Variants in AGR3 observed in about 807,000 individuals in gnomAD.
The protein encoded by AGR3 is anterior gradient protein 3.
AGR3 carries 37 observed loss-of-function variants against 24.5 expected under a neutral mutation model. That is an observed-to-expected ratio of 1.51 (90% CI 1.16 to 1.99). The LOEUF is 1.99. Ranked by LOEUF, AGR3 falls within the 30% of genes most tolerant of loss-of-function variation. The pLI, the probability that AGR3 is intolerant of heterozygous loss-of-function variation, is 0.00. For synonymous variants in AGR3, 75 were observed against 61.6 expected, an observed-to-expected ratio of 1.22 and a Z score of -1.02; for missense variants, 228 against 191.1, an observed-to-expected ratio of 1.19 and a Z score of -1.14.
At chr7:16,881,888 T>TA (rs1782125011) in intron 1 of AGR3, 56 bp downstream of exon 1, 1 of 470,490 alleles carries the variant, frequency 2.1e-6, no homozygotes, top group African/African-American at 2.0e-5. Flanking sequence ...GGTGATTATT[T>TA]AAATATAGCA....
At chr7:16,878,116 A>ATT (rs34203592) in intron 2 of AGR3, among the ~76,000 whole-genome samples, 73 of 146,382 alleles carry the variant, frequency 5.0e-4, no homozygotes, top group African/African-American at 8.2e-4. Context: ...AATTATTCCA[A>ATT]TTTTTTTTTT....
At chr7:16,877,614 A>G (rs1372291886) in intron 2 of AGR3, among the ~76,000 whole-genome samples, 2 of 151,988 alleles carry the variant, frequency 1.3e-5, no homozygotes, top group Non-Finnish European at 2.9e-5. Flanking sequence ...CTGTAATCCC[A>G]GCACTTTGGG....
intron 2 of AGR3, 39 bp downstream of exon 2, chr7:16,878,471 A>G (rs189843796): frequency 4.3e-4 from 678 of 1,564,928 alleles, no homozygotes; most frequent in Non-Finnish European, 5.3e-4. Flanking sequence ...AAAGCAATCC[A>G]AATGACTGAG....
intron 2 of AGR3, among the ~76,000 whole-genome samples, chr7:16,875,639 T>C (rs1781973254): frequency 6.6e-6 from 1 of 152,204 alleles, no homozygotes; most frequent in East Asian, 1.9e-4. Context: ...GTGGAACTGC[T>C]GATCAAATGG....
chr7:16,868,278 C>A (rs1021129499), intron 3 of AGR3, among the ~76,000 whole-genome samples: 1 of 152,020 alleles, frequency 6.6e-6, no homozygotes, highest in Non-Finnish European at 1.5e-5. Flanking sequence ...GCCTCAGACT[C>A]CCGAGTAGCT....
chr7:16,865,995 C>T, intron 3 of AGR3: 1 of 662,012 alleles, frequency 1.5e-6, no homozygotes, highest in South Asian at 1.5e-5. Context: ...TTTTCATGCA[C>T]AGCCAAGTTC....
At chr7:16,878,847 G>T (rs11496005) in intron 1 of AGR3, among the ~76,000 whole-genome samples, 1 of 152,060 alleles carries the variant, frequency 6.6e-6, no homozygotes, top group South Asian at 2.1e-4. Flanking sequence ...CTCAGTTGGT[G>T]AGAAGTCATG....
At chr7:16,873,748 A>G in intron 3 of AGR3, 32 bp downstream of exon 3, 1 of 1,524,734 alleles carries the variant, frequency 6.6e-7, no homozygotes, top group Non-Finnish European at 9.1e-7. Flanking sequence ...ACTACAAATA[A>G]AAGGAAAAAA....
chr7:16,872,042 A>C, intron 3 of AGR3, among the ~76,000 whole-genome samples: 2 of 152,322 alleles, frequency 1.3e-5, no homozygotes, highest in East Asian at 3.9e-4. Flanking sequence ...GGCAATCTAC[A>C]GATTCAATGC....
At chr7:16,857,140 C>T (rs190624782), downstream of AGR3, among the ~76,000 whole-genome samples, 222 of 151,692 alleles carry the variant, frequency 1.5e-3, 1 homozygote, top group South Asian at 1.5e-3. Context: ...CTGCACCCAG[C>T]GAGGATTATA....
At chr7:16,856,666 C>T (rs1015261985), downstream of AGR3, among the ~76,000 whole-genome samples, 1 of 152,156 alleles carries the variant, frequency 6.6e-6, no homozygotes, top group Non-Finnish European at 1.5e-5. Flanking sequence ...CATTAAAATG[C>T]TTTGCACATA....
downstream of AGR3, among the ~76,000 whole-genome samples, chr7:16,857,760 C>G (rs146716554): frequency 3.7e-3 from 570 of 152,166 alleles, 6 homozygotes; most frequent in African/African-American, 0.013. Flanking sequence ...CCAAATAGAT[C>G]AATTTACTAC....
chr7:16,866,956 C>T (rs1188486740), intron 3 of AGR3, among the ~76,000 whole-genome samples: 1 of 151,846 alleles, frequency 6.6e-6, no homozygotes, highest in African/African-American at 2.4e-5. Flanking sequence ...TTTCTTTTAT[C>T]TTCTCCTTTT....
intron 1 of AGR3, among the ~76,000 whole-genome samples, chr7:16,879,715 A>G (rs1212382308): frequency 6.6e-6 from 1 of 152,250 alleles, no homozygotes; most frequent in African/African-American, 2.4e-5. Context: ...ATTCTGTTCA[A>G]ACAAAGATGT....
chr7:16,874,991 C>T (rs1481763420), intron 2 of AGR3, among the ~76,000 whole-genome samples: 5 of 151,876 alleles, frequency 3.3e-5, no homozygotes, highest in Non-Finnish European at 7.4e-5. Flanking sequence ...TGGCATGTGC[C>T]TGTAGTCCCA....
intron 1 of AGR3, among the ~76,000 whole-genome samples, chr7:16,881,548 G>C (rs948847862): frequency 2.0e-5 from 3 of 152,156 alleles, no homozygotes; most frequent in African/African-American, 7.2e-5. Context: ...TCAGCAATTA[G>C]ATTGTATAAA....
chr7:16,859,490 A>C lies in AGR3; in HGVS notation c.*92T>G. ...ACTAAATAGTAATATTACAAAATCT[A>C]TATACTTGCACATTTAGTATTTGTC... is the stretch of plus-strand genomic sequence containing the variant. On this transcript the variant is annotated 3_prime_UTR_variant, in exon 8 of 8. Transcript: ENST00000310398. The C allele has an allele frequency of 1.2e-6, 1 of 802,340 alleles. No individual in the cohort carries two copies. Among genetic ancestry groups the C allele is most frequent in the South Asian group, 1.6e-5 (1 of 60,826 alleles). The allele number at this position is 802,340 out of a possible 1,614,324, so 49.7% of individuals were successfully genotyped here.
chr7:16,865,703 C>A, intron 3 of AGR3: 1 of 781,066 alleles, frequency 1.3e-6, no homozygotes, highest in Non-Finnish European at 2.4e-6. Flanking sequence ...CTTTGTTGCT[C>A]TTAGTAGAAA....
intron 3 of AGR3, chr7:16,864,449 C>A: frequency 7.7e-7 from 1 of 1,304,502 alleles, no homozygotes; most frequent in Non-Finnish European, 1.1e-6. Flanking sequence ...GAATGTCCTC[C>A]GTTAAGCTGG....
Sources: gnomAD v4.1 joint callset for allele counts (sites outside exome capture counted in the v4.1 genomes callset) on GRCh38, gnomAD v4.1.1 for gene constraint, MANE v1.5 for transcripts, NCBI Gene and HGNC (gene_info 2026-07-23, HGNC 2026-07-21) for gene names.